GRIN1: variants seen among roughly 807,000 people sequenced by gnomAD.
GRIN1 encodes glutamate receptor ionotropic, NMDA 1.
A neutral mutation model predicts 103.0 loss-of-function variants in GRIN1; 38 were observed. The observed-to-expected ratio is 0.37, with a 90% CI of 0.28 to 0.48. GRIN1 has a LOEUF of 0.48. Among genes scored for constraint, GRIN1 ranks in the 20% least tolerant of loss-of-function variants. The probability of loss-of-function intolerance (pLI) is 0.98; values close to 1 mark genes in which losing one functional copy is unlikely to be tolerated. For missense variants in GRIN1, 577 were observed against 1,288.9 expected, an observed-to-expected ratio of 0.45 and a Z score of 8.46; for synonymous variants, 544 against 532.7, an observed-to-expected ratio of 1.02 and a Z score of -0.29.
intron 8 of GRIN1, among the ~76,000 whole-genome samples, chr9:137,160,409 C>T (rs1231395289): frequency 5.9e-5 from 9 of 151,862 alleles, no homozygotes; most frequent in Admixed American, 2.0e-4. Context: ...GGGACATCAG[C>T]GGCTCCTCTG....
intron 19 of GRIN1, among the ~76,000 whole-genome samples, chr9:137,166,348 G>A (rs949664544): frequency 3.3e-5 from 5 of 152,250 alleles, no homozygotes; most frequent in Admixed American, 2.6e-4. Flanking sequence ...CCAGGCCCAG[G>A]CACCATGGTG....
rs1274662906 is a variant in GRIN1 at position 137,149,025 on chromosome 9, A to T, written c.587A>T (p.Gln196Leu). The T allele has an allele frequency of 6.2e-7, 1 of 1,612,820 alleles. No homozygotes were observed. The change falls in exon 4 of 20, where the codon CAG (glutamine) becomes CTG (leucine). Residue 196 changes from glutamine (Q) to leucine (L), a missense_variant. Around this residue, in one of 9 missense-constraint regions of GRIN1, gnomAD observed 308 missense variants for 553.6 expected, o/e 0.56. Transcript: ENST00000371561. ...ERESKAEKVL[Q>L]FDPGTKNVTA... ...ACACCGCAGGCAGAGAAGGTGCTGC[A>T]GTTTGACCCAGGGACCAAGAACGTG...
chr9:137,149,307 C>G (rs906396428), intron 4 of GRIN1, among the ~76,000 whole-genome samples, 198 bp downstream of exon 4: 1 of 152,140 alleles, frequency 6.6e-6, no homozygotes, highest in African/African-American at 2.4e-5. Flanking sequence ...CTCCATCTGT[C>G]CCTCCCTTCC....
chr9:137,141,184 C>T (rs987691154), intron 1 of GRIN1, among the ~76,000 whole-genome samples: 5 of 152,210 alleles, frequency 3.3e-5, no homozygotes, highest in African/African-American at 1.2e-4. Context: ...CCACGTGGGG[C>T]CATGCAGTGC....
rs375892227 is a variant in GRIN1, at chr9:137,153,249, A to G, written c.672-3420A>G. Among the ~76,000 whole-genome samples the G allele has an allele frequency of 6.7e-3, 1,015 of 151,776 alleles. 14 individuals are homozygous for G. Among genetic ancestry groups the G allele is most frequent in the African/African-American group, 0.023 (935 of 41,312 alleles). On this transcript the variant is annotated intron_variant, in intron 4 of 19. Coordinates refer to ENST00000371561, the MANE Select transcript of GRIN1 (RefSeq NM_007327.4). ...CACATGCCACATACCACGTGTACAC[A>G]CATGCACCATGCATACACCATACAC... is the stretch of plus-strand genomic sequence containing the variant.
At chr9:137,144,727 G>GA (rs1410025568) in intron 2 of GRIN1, among the ~76,000 whole-genome samples, 18 of 131,944 alleles carry the variant, frequency 1.4e-4, no homozygotes, top group South Asian at 2.5e-4. Context: ...AGTGTCCCCA[G>GA]GGGTGTGGGG....
At chr9:137,150,906 G>T (rs1251233227) in intron 4 of GRIN1, among the ~76,000 whole-genome samples, 2 of 115,214 alleles carry the variant, frequency 1.7e-5, no homozygotes, top group South Asian at 6.1e-4. Flanking sequence ...CCAGATAAAA[G>T]CCCTGCCCAG....
chr9:137,161,702 G>A (rs1833558392), intron 10 of GRIN1, among the ~76,000 whole-genome samples: 1 of 4,668 alleles, frequency 2.1e-4, no homozygotes, highest in African/African-American at 1.0e-3. Context: ...TGGAGTGGGC[G>A]GGACGTGGAG....
intron 16 of GRIN1, 82 bp downstream of exon 16, chr9:137,163,412 G>A (rs1252738464): frequency 2.0e-6 from 3 of 1,532,666 alleles, no homozygotes; most frequent in African/African-American, 1.4e-5. Context: ...ACCACTCCGA[G>A]GCCACCACTG....
chr9:137,144,667 G>A (rs1176231379), intron 2 of GRIN1, among the ~76,000 whole-genome samples: 1 of 150,910 alleles, frequency 6.6e-6, no homozygotes, highest in African/African-American at 2.4e-5. Flanking sequence ...AGTGTCCCCA[G>A]GGTGGTGGGG....
chr9:137,164,025 C>A, intron 18 of GRIN1, 121 bp downstream of exon 18: 1 of 1,220,594 alleles, frequency 8.2e-7, no homozygotes, highest in African/African-American at 1.5e-5. Context: ...AGCTAGGAGC[C>A]ATGGCCAGGG....
At chr9:137,161,493 A>T in intron 10 of GRIN1, 77 bp downstream of exon 10, 3 of 780,680 alleles carry the variant, frequency 3.8e-6, no homozygotes, top group South Asian at 1.8e-5. Flanking sequence ...GGCATGGAGT[A>T]GGCGGGGCTT....
chr9:137,152,769 G>A (rs1794663943), intron 4 of GRIN1, among the ~76,000 whole-genome samples: 1 of 152,090 alleles, frequency 6.6e-6, no homozygotes, highest in Non-Finnish European at 1.5e-5. Context: ...ATGCCCATGA[G>A]CACACACCAC....
chr9:137,154,770 A>G (rs1432692220), intron 4 of GRIN1, among the ~76,000 whole-genome samples: 1 of 152,114 alleles, frequency 6.6e-6, no homozygotes, highest in African/African-American at 2.4e-5. Context: ...CTTCAGAGCA[A>G]TGGCTCTGGA....
chr9:137,162,551 G>A (rs1434511903), intron 13 of GRIN1, 35 bp downstream of exon 13: 1 of 1,610,790 alleles, frequency 6.2e-7, no homozygotes, highest in Non-Finnish European at 8.5e-7. Context: ...GTCCCGCCTC[G>A]GCCCTCTAGG....
In GRIN1 at chr9:137,150,666, G is replaced by A. The variant is rs536535748; in HGVS notation, c.671+1557G>A. Among the ~76,000 whole-genome samples the A allele has an allele frequency of 9.1e-5, 12 of 132,172 alleles. No homozygotes were observed. In the South Asian group the frequency reaches 3.0e-3, roughly 33 times the overall value. The allele number at this position is 132,172 out of a possible 152,430, so 86.7% of individuals were successfully genotyped here. Reference sequence around the variant, plus strand: ...AAAAGACCAGCCCAAGGAAAGCTCCGCCCAGGGAAAGCCCCGCCCAGAAAA... The same window carrying A: ...AAAAGACCAGCCCAAGGAAAGCTCCACCCAGGGAAAGCCCCGCCCAGAAAA... On this transcript the variant is annotated intron_variant, in intron 4 of 19. Coordinates refer to ENST00000371561, the MANE Select transcript of GRIN1 (RefSeq NM_007327.4).
intron 2 of GRIN1, among the ~76,000 whole-genome samples, chr9:137,144,580 A>G (rs370019522): frequency 2.0e-3 from 303 of 151,454 alleles, no homozygotes; most frequent in East Asian, 2.7e-3. Flanking sequence ...GTGTGAACCC[A>G]GGAGGCGGAG....
intron 2 of GRIN1, among the ~76,000 whole-genome samples, chr9:137,145,524 A>G (rs1832472413): frequency 4.3e-5 from 3 of 70,448 alleles, no homozygotes; most frequent in Non-Finnish European, 8.6e-5. Flanking sequence ...CCCAGGGTCT[A>G]GAAAGTGTCC....
At chr9:137,157,217 A>G (rs1176881986) in intron 6 of GRIN1, among the ~76,000 whole-genome samples, 180 bp downstream of exon 6, 1 of 54,154 alleles carries the variant, frequency 1.8e-5, no homozygotes, top group African/African-American at 7.4e-5. Flanking sequence ...GCTCCTCAAG[A>G]GATGGGTGGG....
Sources: allele counts gnomAD v4.1 joint callset (sites outside exome capture counted in the v4.1 genomes callset), GRCh38; gene constraint gnomAD v4.1.1; regional missense constraint gnomAD v4.1.1; transcripts MANE v1.5; gene names NCBI Gene and HGNC (gene_info 2026-07-23, HGNC 2026-07-21).